The following SAFB variants were observed in gnomAD, a reference collection of about 807,000 sequenced individuals.
SAFB encodes scaffold attachment factor B, also known as scaffold attachment factor B1.
Under a neutral mutation model 101.6 loss-of-function variants are expected in SAFB, and 15 were observed. The ratio of observed to expected loss-of-function variants is 0.15; its 90% CI spans 0.10 to 0.23. The LOEUF is 0.23. SAFB is among the 10% of genes least tolerant of loss of function. The pLI, the probability that SAFB is intolerant of heterozygous loss-of-function variation, is 1.00. For missense variants in SAFB, 930 were observed against 1,104.1 expected (o/e 0.84, Z 2.23); for synonymous variants, 449 against 407.5 (o/e 1.10, Z -1.23).
intron 6 of SAFB, chr19:5,648,324 A>C: frequency 2.3e-6 from 1 of 435,972 alleles, no homozygotes; most frequent in Non-Finnish European, 4.1e-6. Flanking sequence ...TACATAGAGA[A>C]AGAGTTCCAG....
chr19:5,658,847 A>G (rs1186617615), intron 14 of SAFB, among the ~76,000 whole-genome samples: 1 of 144,610 alleles, frequency 6.9e-6, no homozygotes, highest in Non-Finnish European at 1.5e-5. Context: ...CATCTCAAAA[A>G]AAAAGGGGGG....
chr19:5,662,102 G>T (rs941273266), intron 15 of SAFB, among the ~76,000 whole-genome samples: 1 of 152,030 alleles, frequency 6.6e-6, no homozygotes, highest in Non-Finnish European at 1.5e-5. Flanking sequence ...AGCCAGGATG[G>T]TCTCTATCTC....
At chr19:5,640,715 G>A (rs1459742485) in intron 2 of SAFB, among the ~76,000 whole-genome samples, 1 of 152,024 alleles carries the variant, frequency 6.6e-6, no homozygotes, top group East Asian at 1.9e-4. Context: ...TCCGCCTCCT[G>A]AGTAGCTGAG....
At chr19:5,638,643 A>T (rs1357478662) in intron 2 of SAFB, among the ~76,000 whole-genome samples, 1 of 151,738 alleles carries the variant, frequency 6.6e-6, no homozygotes, top group Non-Finnish European at 1.5e-5. Flanking sequence ...AAACTCTTGA[A>T]GAAAAACCTG....
chr19:5,632,058 A>G (rs1286060065), intron 2 of SAFB, among the ~76,000 whole-genome samples: 3 of 152,168 alleles, frequency 2.0e-5, no homozygotes, highest in Non-Finnish European at 4.4e-5. Flanking sequence ...CGAAAAAATA[A>G]AATAATTACC....
At chr19:5,626,865 G>A (rs1290659242) in intron 2 of SAFB, among the ~76,000 whole-genome samples, 3 of 151,304 alleles carry the variant, frequency 2.0e-5, no homozygotes, top group African/African-American at 7.3e-5. Context: ...GGGCAACATA[G>A]CAAAACCCAG....
chr19:5,637,585 T>C lies in SAFB; in HGVS notation c.275-4009T>C, dbSNP rs574483598. ...GTGGGAGGATCCCTTGAGGATCCCT[T>C]GATGCTGGGAGGCAGAGGCTGCAGT... On this transcript the variant is annotated intron_variant, in intron 2 of 20. Coordinates refer to ENST00000588852, the MANE Select transcript of SAFB (RefSeq NM_001201338.2). Among the ~76,000 whole-genome samples the C allele has an allele frequency of 1.2e-3, 186 of 152,068 alleles. 1 individual carries two copies. Among genetic ancestry groups the C allele is most frequent in the African/African-American group, 4.4e-3 (181 of 41,504 alleles).
At chr19:5,642,751 C>A (rs1352951779) in intron 4 of SAFB, among the ~76,000 whole-genome samples, 1 of 147,398 alleles carries the variant, frequency 6.8e-6, no homozygotes, top group Non-Finnish European at 1.5e-5. Context: ...CAACCTCTGC[C>A]CCCTGGGTTC....
intron 17 of SAFB, chr19:5,665,492 G>A (rs1450808354): frequency 2.0e-5 from 3 of 151,826 alleles, no homozygotes; most frequent in Non-Finnish European, 2.9e-5. Flanking sequence ...GTTTATCATT[G>A]CCAGCTACTT....
intron 1 of SAFB, among the ~76,000 whole-genome samples, chr19:5,623,726 C>G (rs369057637): frequency 6.6e-6 from 1 of 151,976 alleles, no homozygotes; most frequent in African/African-American, 2.4e-5. Flanking sequence ...ACCCTGAAAC[C>G]CTCACTTCCC....
Position 5,661,525 on chromosome 19 carries a change from C to T in SAFB, c.1870C>T (p.Arg624Cys). 1 of 1,612,652 alleles carries T rather than the reference C, an allele frequency of 6.2e-7. No homozygotes were observed. Among genetic ancestry groups the T allele is most frequent in the Middle Eastern group, 1.7e-4 (1 of 6,034 alleles). The change falls in exon 15 of 21, where the codon CGT becomes TGT. Residue 624 changes from arginine to cysteine, a missense_variant. By Grantham distance (180) the Arg-to-Cys change is radical. Transcript: ENST00000588852. ...SRDSESHSRV[R>C]ERSEREQRMQ... ...AGCTCTACTGTTGTGCAGCAGGGTG[C>T]GTGAACGCAGTGAACGCGAACAACG...
intron 5 of SAFB, among the ~76,000 whole-genome samples, chr19:5,646,707 A>C (rs1599351612): frequency 6.6e-6 from 1 of 152,244 alleles, no homozygotes. Flanking sequence ...GGCAGTTCCC[A>C]GGGGAAGTTA....
At chr19:5,651,552 G>A (rs1033403026) in intron 9 of SAFB, among the ~76,000 whole-genome samples, 19 of 152,212 alleles carry the variant, frequency 1.2e-4, no homozygotes, top group African/African-American at 3.9e-4. Context: ...TCTCAAAGTT[G>A]CTGCCTCAGT....
Position 5,667,191 on chromosome 19 carries a change from T to C in SAFB, c.2453+27T>C. ...TTTGTGTCCCACACCCGACAGTACC[T>C]GACCCCCCCCCCGCCCACAAGGGGG... On this transcript the variant is annotated intron_variant, in intron 18 of 20. Transcript: ENST00000588852. This position sits in a 1 kb window ranked among gnomAD's most constrained non-coding sequence, Gnocchi z 4.0. 1 of 1,362,082 alleles carries C rather than the reference T, an allele frequency of 7.3e-7. No individual in the cohort carries two copies. The highest frequency in any genetic ancestry group is 1.0e-6 in the Non-Finnish European group (1 of 977,860). The allele number at this position is 1,362,082 out of a possible 1,614,324, so 84.4% of individuals were successfully genotyped here.
intron 14 of SAFB, among the ~76,000 whole-genome samples, chr19:5,658,213 G>A (rs59979796): frequency 0.038 from 5,808 of 152,034 alleles, 401 homozygotes; most frequent in African/African-American, 0.13. Flanking sequence ...GGCCAGGCTG[G>A]TTTCAAACTC....
intron 13 of SAFB, 50 bp downstream of exon 13, chr19:5,654,506 T>C (rs549973925): frequency 9.3e-7 from 1 of 1,078,032 alleles, no homozygotes; most frequent in Admixed American, 1.7e-5. Context: ...TTTCAGTTTG[T>C]ATTTCTGTGT....
chr19:5,653,942 T>C (rs2053996597), intron 11 of SAFB, 119 bp from the exon 12 acceptor site: 2 of 812,454 alleles, frequency 2.5e-6, no homozygotes, highest in Middle Eastern at 3.1e-4. Context: ...GGTTTCACCA[T>C]GTTGGCCAGG....
At chr19:5,658,759 C>T (rs2054123899) in intron 14 of SAFB, among the ~76,000 whole-genome samples, 1 of 150,874 alleles carries the variant, frequency 6.6e-6, no homozygotes, top group South Asian at 2.1e-4. Flanking sequence ...AGGAGAATGG[C>T]GTGAACCCGG....
intron 15 of SAFB, among the ~76,000 whole-genome samples, chr19:5,662,754 C>A (rs1441095123): frequency 6.6e-6 from 1 of 150,696 alleles, no homozygotes; most frequent in Admixed American, 6.6e-5. Flanking sequence ...GATTCTCCTG[C>A]CTCAGCCTCC....
Sources: gnomAD v4.1 joint callset for allele counts (sites outside exome capture counted in the v4.1 genomes callset) on GRCh38, gnomAD v4.1.1 for gene constraint, Gnocchi (gnomAD v3.1) non-coding constraint, MANE v1.5 for transcripts, NCBI Gene and HGNC (gene_info 2026-07-23, HGNC 2026-07-21) for gene names.